The following CDH13 variants were observed in gnomAD, a reference collection of about 807,000 sequenced individuals.
CDH13 encodes the protein cadherin-13.
Under a neutral mutation model 63.8 loss-of-function variants are expected in CDH13, and 24 were observed. The observed-to-expected ratio is 0.38, with a 90% CI of 0.27 to 0.53. The LOEUF is 0.53. CDH13 is among the 20% of genes least tolerant of loss of function. The pLI, the probability that CDH13 is intolerant of heterozygous loss-of-function variation, is 0.85. For synonymous variants in CDH13, 503 were observed against 355.3 expected (o/e 1.42, Z -4.67); for missense variants, 1,049 against 903.1 (o/e 1.16, Z -2.07).
intron 6 of CDH13, among the ~76,000 whole-genome samples, chr16:83,354,134 T>C (rs1375241786): frequency 6.6e-6 from 1 of 152,134 alleles, no homozygotes; most frequent in African/African-American, 2.4e-5. Context: ...AAAATGAAAA[T>C]TGGTGACGGT....
At chr16:83,731,419 C>T (rs377150697) in intron 10 of CDH13, among the ~76,000 whole-genome samples, 14 of 152,220 alleles carry the variant, frequency 9.2e-5, no homozygotes, top group East Asian at 7.7e-4. Context: ...GGATTAGTGA[C>T]GTGGAGCATT....
chr16:83,109,617 C>G (rs957028044), intron 3 of CDH13, among the ~76,000 whole-genome samples: 29 of 152,298 alleles, frequency 1.9e-4, no homozygotes, highest in Non-Finnish European at 4.0e-4. Context: ...AGCATGATAC[C>G]TGGATCACGT....
At position 83,231,763 on chromosome 16, in the gene CDH13, C is replaced by T. The variant is rs2040004039; in HGVS notation, c.636+14266C>T. Among the ~76,000 whole-genome samples, 4 of 152,262 alleles carry T rather than the reference C, an allele frequency of 2.6e-5. No individual in the cohort carries two copies. The South Asian group carries it at 8.3e-4, about 32-fold the overall frequency. ...CCTGCCAACCCCGGACTAGATGAAC[C>T]CTGGTATGGGTTGGATGTTTGTCCC... On this transcript the variant is annotated intron_variant, in intron 5 of 13. Transcript: ENST00000567109.
chr16:83,482,515 C>G (rs568476967), intron 6 of CDH13, among the ~76,000 whole-genome samples: 1 of 152,300 alleles, frequency 6.6e-6, no homozygotes, highest in Admixed American at 6.5e-5. Flanking sequence ...TGTTTCTCGA[C>G]TGAATCTATG....
chr16:83,760,811 C>A (rs929184214), intron 11 of CDH13, among the ~76,000 whole-genome samples: 1 of 152,174 alleles, frequency 6.6e-6, no homozygotes, highest in African/African-American at 2.4e-5. Flanking sequence ...AGAGAGAGCA[C>A]GTAGCTAGTC....
At chr16:83,589,039 G>C (rs1454315258) in intron 7 of CDH13, among the ~76,000 whole-genome samples, 1 of 152,192 alleles carries the variant, frequency 6.6e-6, no homozygotes, top group Non-Finnish European at 1.5e-5. Flanking sequence ...CTAGAAGTCA[G>C]AAGTCCAAAA....
chr16:83,381,494 G>A (rs2091566267), intron 6 of CDH13, among the ~76,000 whole-genome samples: 1 of 151,088 alleles, frequency 6.6e-6, no homozygotes. Flanking sequence ...CAAAGCCCTG[G>A]GATGCAGTTC....
At chr16:83,077,824 G>A (rs186854852) in intron 3 of CDH13, among the ~76,000 whole-genome samples, 11 of 152,290 alleles carry the variant, frequency 7.2e-5, no homozygotes, top group East Asian at 1.9e-4. Flanking sequence ...TCCGGATAAC[G>A]CGTGAGAGCA....
intron 1 of CDH13, among the ~76,000 whole-genome samples, chr16:82,720,530 A>G (rs2032702190): frequency 6.6e-6 from 1 of 152,064 alleles, no homozygotes; most frequent in South Asian, 2.1e-4. Context: ...ACACTCACTC[A>G]TACTGGGGCA....
intron 1 of CDH13, among the ~76,000 whole-genome samples, chr16:82,818,667 A>G (rs1392846476): frequency 6.6e-6 from 1 of 152,170 alleles, no homozygotes; most frequent in Admixed American, 6.5e-5. Context: ...CTTTGGCTTC[A>G]TAGCTGTAGA....
At chr16:82,863,801 G>T (rs976561267) in intron 2 of CDH13, among the ~76,000 whole-genome samples, 4 of 152,126 alleles carry the variant, frequency 2.6e-5, no homozygotes, top group Admixed American at 2.6e-4. Flanking sequence ...ATACAAACAG[G>T]TGAAGAAGCG....
intron 3 of CDH13, among the ~76,000 whole-genome samples, chr16:83,062,962 A>AT (rs61186735): frequency 0.017 from 2,215 of 134,064 alleles, 30 homozygotes; most frequent in Middle Eastern, 0.042. Context: ...GGTGGTTGGC[A>AT]TTTTTTTTTT....
At chr16:83,299,863 C>T (rs1005002463) in intron 5 of CDH13, among the ~76,000 whole-genome samples, 1 of 152,180 alleles carries the variant, frequency 6.6e-6, no homozygotes, top group Non-Finnish European at 1.5e-5. Flanking sequence ...GGCGTCTCCT[C>T]ATGGCTTAGC....
rs114010800 is a variant in CDH13, at chr16:83,405,705, C to G, written c.781+60699C>G. Among the ~76,000 whole-genome samples, 1,094 of 152,322 alleles carry G rather than the reference C, an allele frequency of 7.2e-3. 16 individuals carry two copies. Among genetic ancestry groups the G allele is most frequent in the African/African-American group, 0.025 (1,034 of 41,576 alleles). Reference sequence around the variant, plus strand: ...TATTTTTATTTGCATAAGTACCACACTCTGTATGTGCACTGAGTTGTTCTT... The same window carrying G: ...TATTTTTATTTGCATAAGTACCACAGTCTGTATGTGCACTGAGTTGTTCTT... On this transcript the variant is annotated intron_variant, in intron 6 of 13. Transcript: ENST00000567109.
At chr16:83,058,285 C>T (rs536301628) in intron 3 of CDH13, among the ~76,000 whole-genome samples, 9 of 152,140 alleles carry the variant, frequency 5.9e-5, no homozygotes, top group East Asian at 1.9e-4. Context: ...GATTTCGCTG[C>T]ACTCATCAAA....
At chr16:82,911,937 C>T (rs1327764382) in intron 2 of CDH13, among the ~76,000 whole-genome samples, 1 of 151,970 alleles carries the variant, frequency 6.6e-6, no homozygotes, top group African/African-American at 2.4e-5. Flanking sequence ...GTTGAACCAC[C>T]CGGCACTTGC....
At chr16:83,508,131 A>AAAAGGAAGG (rs2074460908) in intron 7 of CDH13, among the ~76,000 whole-genome samples, 1 of 44,578 alleles carries the variant, frequency 2.2e-5, no homozygotes, top group African/African-American at 8.8e-5. Context: ...GGGAGGAAGG[A>AAAAGGAAGG]AAGGGAAGGG....
chr16:82,872,855 C>T (rs1233349221), intron 2 of CDH13, among the ~76,000 whole-genome samples: 1 of 152,130 alleles, frequency 6.6e-6, no homozygotes, highest in Non-Finnish European at 1.5e-5. Flanking sequence ...CTAGTTTTTG[C>T]CAGACCCTGT....
chr16:83,101,619 C>G (rs972854729), intron 3 of CDH13, among the ~76,000 whole-genome samples: 1 of 152,018 alleles, frequency 6.6e-6, no homozygotes, highest in Non-Finnish European at 1.5e-5. Flanking sequence ...CATGGCCAAA[C>G]CCCATCTCTA....
Sources: allele counts gnomAD v4.1 joint callset (sites outside exome capture counted in the v4.1 genomes callset), GRCh38; gene constraint gnomAD v4.1.1; transcripts MANE v1.5; gene names NCBI Gene and HGNC (gene_info 2026-07-23, HGNC 2026-07-21).